Variants in SLC2A13 observed in about 807,000 individuals in gnomAD.
SLC2A13 encodes the protein proton myo-inositol cotransporter.
Under a neutral mutation model 64.4 loss-of-function variants are expected in SLC2A13, and 32 were observed. The observed-to-expected ratio is 0.50, with a 90% confidence interval of 0.37 to 0.67. The LOEUF (loss-of-function observed/expected upper bound fraction) is 0.67. SLC2A13 is among the 30% of genes least tolerant of loss of function. The probability of loss-of-function intolerance (pLI) is 0.00; values close to 1 mark genes in which losing one functional copy is unlikely to be tolerated. For synonymous variants in SLC2A13, 338 were observed against 327.1 expected (o/e 1.03, Z -0.36); for missense variants, 743 against 829.2 (o/e 0.90, Z 1.28).
At chr12:39,954,911 G>T (rs1946291724) in intron 3 of SLC2A13, among the ~76,000 whole-genome samples, 1 of 152,116 alleles carries the variant, frequency 6.6e-6, no homozygotes, top group African/African-American at 2.4e-5. Context: ...ACCTACAATT[G>T]TACTCTCATA....
chr12:39,895,372 C>T (rs1049149814), intron 4 of SLC2A13, among the ~76,000 whole-genome samples: 20 of 150,834 alleles, frequency 1.3e-4, no homozygotes, highest in Non-Finnish European at 2.1e-4. Context: ...CACCTGTAGT[C>T]CCAGCTACTT....
intron 6 of SLC2A13, among the ~76,000 whole-genome samples, chr12:39,840,536 T>C (rs1943154225): frequency 6.6e-6 from 1 of 152,054 alleles, no homozygotes; most frequent in Non-Finnish European, 1.5e-5. Flanking sequence ...CCAAAGAGAC[T>C]GCAGGATTTA....
rs745835876 is a variant in SLC2A13 at position 39,764,529 on chromosome 12, T to C, written c.1651A>G (p.Ile551Val). 5 of 1,612,288 alleles carry C rather than the reference T, an allele frequency of 3.1e-6. No homozygotes were observed. The highest frequency in any genetic ancestry group is 4.5e-5 in the East Asian group (2 of 44,802). ...ACCAGGACATTGAAAATCCAGTTTA[T>C]TCCAGATGAACATGCATTTCCTGTA... ...RSTGNACSSG[I>V]NWIFNVLVSL... Residue 551 changes from isoleucine to valine, a missense_variant, in exon 9 of 10, where the codon ATA becomes GTA. By Grantham distance (29) the Ile-to-Val change is conservative. Coordinates refer to ENST00000280871, the MANE Select transcript of SLC2A13 (RefSeq NM_052885.4).
intron 4 of SLC2A13, among the ~76,000 whole-genome samples, chr12:39,903,454 T>G (rs1256577628): frequency 6.6e-6 from 1 of 152,104 alleles, no homozygotes; most frequent in Non-Finnish European, 1.5e-5. Flanking sequence ...GGCCCCCCAG[T>G]ATCTCTTTAC....
chr12:40,068,464 C>T (rs1592055486), intron 1 of SLC2A13: 1 of 251,844 alleles, frequency 4.0e-6, no homozygotes, highest in East Asian at 1.3e-4. Context: ...ACCAATTTTG[C>T]TTTTTCTTAT....
chr12:39,807,994 A>G (rs1942031467), intron 7 of SLC2A13, among the ~76,000 whole-genome samples: 1 of 152,190 alleles, frequency 6.6e-6, no homozygotes, highest in African/African-American at 2.4e-5. Flanking sequence ...TGTATAATAT[A>G]CAAAATATAA....
At chr12:39,823,249 G>A (rs1167654608) in intron 7 of SLC2A13, among the ~76,000 whole-genome samples, 1 of 152,142 alleles carries the variant, frequency 6.6e-6, no homozygotes, top group Admixed American at 6.5e-5. Flanking sequence ...TAAAATTTAT[G>A]TTGGTAAAAA....
At position 40,101,155 on chromosome 12, in the gene SLC2A13, GA is replaced by G. The variant is rs1939136386; in HGVS notation, c.556+4097del. On this transcript the variant is annotated intron_variant, in intron 1 of 9. Transcript: ENST00000280871. Reference sequence around the variant, plus strand: ...AGTGGAAGAGAAAAATAAACTAGAGGAACCAAAGATGACTCTGGTGAACCAA... The same window carrying G: ...AGTGGAAGAGAAAAATAAACTAGAGGACCAAAGATGACTCTGGTGAACCAA... Among the ~76,000 whole-genome samples the G allele has an allele frequency of 1.3e-5, 2 of 150,788 alleles. 1 individual carries two copies. Among genetic ancestry groups the G allele is most frequent in the South Asian group, 4.2e-4 (2 of 4,762 alleles).
chr12:40,077,477 T>G (rs999899758), intron 1 of SLC2A13, among the ~76,000 whole-genome samples: 1 of 152,210 alleles, frequency 6.6e-6, no homozygotes, highest in African/African-American at 2.4e-5. Context: ...TGCAGCTTTA[T>G]TTCTGGGTTC....
rs115081704 is a variant in SLC2A13, at chr12:40,013,100, A to T, written c.925+15201T>A. On this transcript the variant is annotated intron_variant, in intron 3 of 9. Transcript: ENST00000280871. ...TGTTTTTAGTTTCTATAGTCAAAAGATACATGCAGAGGATGGCTTCCAAAA... is the reference window on the plus strand; with the variant it reads ...TGTTTTTAGTTTCTATAGTCAAAAGTTACATGCAGAGGATGGCTTCCAAAA... Among the ~76,000 whole-genome samples the T allele has an allele frequency of 2.9e-3, 447 of 152,296 alleles. 3 individuals are homozygous for T. Among genetic ancestry groups the T allele is most frequent in the African/African-American group, 0.01 (426 of 41,578 alleles).
chr12:39,759,765 TA>T lies in SLC2A13; in HGVS notation c.*260del. ...ACTGGGTACAATATTCATTTTAGAC[TA>T]TTTCAGGAAGGCATTACACACATTT... is the stretch of plus-strand genomic sequence containing the variant. On this transcript the variant is annotated 3_prime_UTR_variant, in exon 10 of 10. Coordinates refer to ENST00000280871, the MANE Select transcript of SLC2A13 (RefSeq NM_052885.4). The T allele has an allele frequency of 2.5e-6, 1 of 400,464 alleles. No homozygotes were observed. The highest frequency in any genetic ancestry group is 3.4e-5 in the South Asian group (1 of 29,492). The allele number at this position is 400,464 out of a possible 1,614,324, so 24.8% of individuals were successfully genotyped here.
At chr12:39,920,886 C>T (rs1161247003) in intron 4 of SLC2A13, among the ~76,000 whole-genome samples, 4 of 152,088 alleles carry the variant, frequency 2.6e-5, no homozygotes, top group East Asian at 1.9e-4. Flanking sequence ...GCTAGCGACA[C>T]ATCATCAAAG....
intron 1 of SLC2A13, among the ~76,000 whole-genome samples, chr12:40,050,422 C>T (rs1371967322): frequency 2.0e-5 from 3 of 152,140 alleles, no homozygotes; most frequent in Admixed American, 2.0e-4. Context: ...TTATTTAAAA[C>T]AAACACCAGA....
At chr12:40,033,992 C>T (rs1265818725) in intron 2 of SLC2A13, among the ~76,000 whole-genome samples, 1 of 152,156 alleles carries the variant, frequency 6.6e-6, no homozygotes, top group Non-Finnish European at 1.5e-5. Flanking sequence ...CCCTTCTCCC[C>T]TATGTTCCTG....
At chr12:39,845,480 T>G (rs1041508423) in intron 6 of SLC2A13, among the ~76,000 whole-genome samples, 2 of 152,170 alleles carry the variant, frequency 1.3e-5, no homozygotes, top group African/African-American at 4.8e-5. Flanking sequence ...TAACTTACAG[T>G]GCTTTCCTTC....
At chr12:39,896,340 A>C (rs913892003) in intron 4 of SLC2A13, among the ~76,000 whole-genome samples, 1 of 135,308 alleles carries the variant, frequency 7.4e-6, no homozygotes, top group Non-Finnish European at 1.6e-5. Context: ...ATATATGTAT[A>C]CATATATGTA....
chr12:39,787,532 C>G (rs6581338), intron 7 of SLC2A13, among the ~76,000 whole-genome samples: 144,580 of 152,206 alleles, frequency 0.95, 68,760 homozygotes, highest in East Asian at 0.99. Context: ...CCCAGGCATA[C>G]TACTTTTCTT....
intron 5 of SLC2A13, among the ~76,000 whole-genome samples, chr12:39,869,829 G>A (rs1217798323): frequency 6.6e-6 from 1 of 152,160 alleles, no homozygotes; most frequent in African/African-American, 2.4e-5. Context: ...CTCACTCTTT[G>A]GTAACAATAA....
chr12:40,026,973 G>T (rs777012562), intron 3 of SLC2A13, among the ~76,000 whole-genome samples: 4 of 151,986 alleles, frequency 2.6e-5, no homozygotes, highest in African/African-American at 9.7e-5. Flanking sequence ...CCAGCTACTC[G>T]GGAGGCCGAG....
Sources: gnomAD v4.1 joint callset for allele counts (sites outside exome capture counted in the v4.1 genomes callset) on GRCh38, gnomAD v4.1.1 for gene constraint, MANE v1.5 for transcripts, NCBI Gene and HGNC (gene_info 2026-07-23, HGNC 2026-07-21) for gene names.